Variants in DPY19L4 observed in about 807,000 individuals in gnomAD.
DPY19L4 encodes dpy-19 like 4.
Under a neutral mutation model 102.8 loss-of-function variants are expected in DPY19L4, and 97 were observed. That is an observed-to-expected ratio of 0.94 (90% CI 0.80 to 1.12). The LOEUF (loss-of-function observed/expected upper bound fraction) is 1.12. Ranked by LOEUF, DPY19L4 falls within the 50% of genes most tolerant of loss-of-function variation. DPY19L4 has a pLI of 0.00. For missense variants in DPY19L4, 815 were observed against 850.4 expected (o/e 0.96, Z 0.52); for synonymous variants, 252 against 283.1 (o/e 0.89, Z 1.10).
At position 94,784,249 on chromosome 8, in the gene DPY19L4, C is replaced by T. The variant is rs528215707; in HGVS notation, c.1848+447C>T. Among the ~76,000 whole-genome samples, 22 of 149,216 alleles carry T rather than the reference C, an allele frequency of 1.5e-4. No homozygotes were observed. The South Asian group carries it at 4.7e-3, about 32-fold the overall frequency. ...ACAGCCGGCTAACATTTTTTTAATT[C>T]ACCCAGGCTGGAGTACAGTGGCGCA... On this transcript the variant is annotated intron_variant, in intron 17 of 18. Transcript: ENST00000414645.
At position 94,726,450 on chromosome 8, in the gene DPY19L4, G is replaced by C. The variant is rs539492112; in HGVS notation, c.127+9G>C. 1 of 1,590,574 alleles carries C rather than the reference G, an allele frequency of 6.3e-7. No homozygotes were observed. The highest frequency in any genetic ancestry group is 1.4e-5 in the African/African-American group (1 of 73,604). Reference sequence around the variant, plus strand: ...TGAAAGAGCTCCAAAACGTAAGTTAGATAGACTTGGAATTTGTGCTACTAC... The same window carrying C: ...TGAAAGAGCTCCAAAACGTAAGTTACATAGACTTGGAATTTGTGCTACTAC... On this transcript the variant is annotated intron_variant, in intron 2 of 18. Coordinates refer to ENST00000414645, the MANE Select transcript of DPY19L4 (RefSeq NM_181787.3).
intron 2 of DPY19L4, among the ~76,000 whole-genome samples, chr8:94,728,591 G>A (rs1810795072): frequency 6.6e-6 from 1 of 152,204 alleles, no homozygotes; most frequent in South Asian, 2.1e-4. Context: ...ATCTAGGTGA[G>A]GGGCTGGCCG....
intron 6 of DPY19L4, among the ~76,000 whole-genome samples, chr8:94,752,840 T>C (rs1177058210): frequency 6.6e-6 from 1 of 151,506 alleles, no homozygotes; most frequent in Admixed American, 6.6e-5. Flanking sequence ...AATTTTTTTG[T>C]ATTTTTAATA....
chr8:94,752,717 T>C (rs1408813184), intron 6 of DPY19L4, among the ~76,000 whole-genome samples: 2 of 148,686 alleles, frequency 1.3e-5, no homozygotes, highest in African/African-American at 4.9e-5. Flanking sequence ...CAGGCTGGAG[T>C]GCAGCGACGT....
chr8:94,729,240 C>G (rs1023310458), intron 2 of DPY19L4, among the ~76,000 whole-genome samples: 1 of 151,958 alleles, frequency 6.6e-6, no homozygotes. Context: ...GGCATGGTGG[C>G]ATGCAACTGT....
chr8:94,736,988 T>C (rs1811215104), intron 3 of DPY19L4, among the ~76,000 whole-genome samples: 1 of 152,224 alleles, frequency 6.6e-6, no homozygotes, highest in Non-Finnish European at 1.5e-5. Context: ...TGATGACTTG[T>C]GATTTACAAT....
chr8:94,746,400 T>A (rs1359543236), intron 6 of DPY19L4, among the ~76,000 whole-genome samples: 1 of 152,168 alleles, frequency 6.6e-6, no homozygotes, highest in Non-Finnish European at 1.5e-5. Flanking sequence ...TTATAATTTA[T>A]AATAGTAATA....
At chr8:94,749,832 G>C (rs566858276) in intron 6 of DPY19L4, among the ~76,000 whole-genome samples, 1 of 152,268 alleles carries the variant, frequency 6.6e-6, no homozygotes, top group African/African-American at 2.4e-5. Context: ...TTCATTAAAT[G>C]GTATTGGGAC....
At chr8:94,741,564 A>C (rs913071290) in intron 6 of DPY19L4, among the ~76,000 whole-genome samples, 1 of 152,192 alleles carries the variant, frequency 6.6e-6, no homozygotes, top group Non-Finnish European at 1.5e-5. Flanking sequence ...TAGCTTTCTC[A>C]GTGACAAAAA....
intron 7 of DPY19L4, among the ~76,000 whole-genome samples, chr8:94,756,627 C>A (rs1812174248): frequency 6.6e-6 from 1 of 152,192 alleles, no homozygotes; most frequent in Non-Finnish European, 1.5e-5. Context: ...GTAAAAATTT[C>A]AGGAGACTGT....
chr8:94,733,118 CTTTTTTTTTT>C (rs34879619), intron 2 of DPY19L4, among the ~76,000 whole-genome samples: 2 of 76,348 alleles, frequency 2.6e-5, no homozygotes, highest in African/African-American at 1.2e-4. Context: ...TCATCTTAAC[CTTTTTTTTTT>C]TTTTTTTTTT....
chr8:94,786,931 A>G (rs905483727), intron 17 of DPY19L4, among the ~76,000 whole-genome samples: 2 of 152,178 alleles, frequency 1.3e-5, no homozygotes, highest in Non-Finnish European at 2.9e-5. Flanking sequence ...AGTGATTCTT[A>G]ACCTGGGAGA....
rs1810677183 is a variant in DPY19L4 at position 94,726,108 on chromosome 8, A to G, written c.17-223A>G. On this transcript the variant is annotated intron_variant, in intron 1 of 18. Transcript: ENST00000414645. Reference sequence around the variant, plus strand: ...TGGGAGAAGAGCACATTGGTTTACTATTAGGATTGTCAAAACACAGATTGG... The same window carrying G: ...TGGGAGAAGAGCACATTGGTTTACTGTTAGGATTGTCAAAACACAGATTGG... Among the ~76,000 whole-genome samples, 6 of 152,208 alleles carry G rather than the reference A, an allele frequency of 3.9e-5. No homozygotes were observed. In the South Asian group the frequency reaches 1.2e-3, roughly 31 times the overall value.
At chr8:94,720,802 A>G (rs950823076) in intron 1 of DPY19L4, among the ~76,000 whole-genome samples, 1 of 152,240 alleles carries the variant, frequency 6.6e-6, no homozygotes, top group Non-Finnish European at 1.5e-5. Flanking sequence ...TACTCATGGC[A>G]TAGTAACTTC....
chr8:94,765,855 G>A, intron 10 of DPY19L4, 46 bp downstream of exon 10: 1 of 1,160,326 alleles, frequency 8.6e-7, no homozygotes, highest in Non-Finnish European at 1.3e-6. Context: ...AATGAATAAT[G>A]AAATATATTG....
At chr8:94,789,342 G>A (rs945124631) in intron 18 of DPY19L4, among the ~76,000 whole-genome samples, 5 of 152,126 alleles carry the variant, frequency 3.3e-5, no homozygotes, top group Admixed American at 2.0e-4. Flanking sequence ...TCTGCACTAA[G>A]TCACGAAAGT....
intron 10 of DPY19L4, among the ~76,000 whole-genome samples, chr8:94,766,382 A>G (rs539178416): frequency 6.6e-6 from 1 of 152,370 alleles, no homozygotes; most frequent in Admixed American, 6.5e-5. Context: ...TCTCAAAAAA[A>G]AAGAAAAAAG....
At chr8:94,739,265 C>A in intron 4 of DPY19L4, 148 bp from the exon 5 acceptor site, 2 of 943,846 alleles carry the variant, frequency 2.1e-6, no homozygotes, top group Non-Finnish European at 2.9e-6. Flanking sequence ...CTTTATTGTG[C>A]TAAATTTTTA....
At chr8:94,763,376 C>T (rs746326658) in intron 8 of DPY19L4, among the ~76,000 whole-genome samples, 5 of 141,162 alleles carry the variant, frequency 3.5e-5, no homozygotes, top group Admixed American at 7.1e-5. Context: ...GGTCTCACTC[C>T]GTCACCCAGG....
Sources: gnomAD v4.1 joint callset for allele counts (sites outside exome capture counted in the v4.1 genomes callset) on GRCh38, gnomAD v4.1.1 for gene constraint, MANE v1.5 for transcripts, NCBI Gene and HGNC (gene_info 2026-07-23, HGNC 2026-07-21) for gene names.